Variants in INPP5D observed in about 807,000 individuals in gnomAD.
INPP5D encodes the protein inositol polyphosphate-5-phosphatase D.
In INPP5D, 33 loss-of-function variants were observed where a neutral mutation model predicts 122.9. That is an observed-to-expected ratio of 0.27 (90% confidence interval 0.20 to 0.36). The LOEUF (loss-of-function observed/expected upper bound fraction) is 0.36, where lower values mean the gene tolerates loss of function less well. Ranked by LOEUF, INPP5D falls within the 10% of genes least tolerant of loss-of-function variation. INPP5D has a pLI of 1.00. For missense variants in INPP5D, 1,053 were observed against 1,412.7 expected, an observed-to-expected ratio of 0.75 and a Z score of 4.08; for synonymous variants, 584 against 576.2, an observed-to-expected ratio of 1.01 and a Z score of -0.19.
At chr2:233,195,649 C>T (rs547782281) in intron 24 of INPP5D, among the ~76,000 whole-genome samples, 154 bp downstream of exon 24, 1 of 152,270 alleles carries the variant, frequency 6.6e-6, no homozygotes, top group African/African-American at 2.4e-5. Flanking sequence ...GAGTTTGAGA[C>T]CAGCCTGAGC....
intron 2 of INPP5D, among the ~76,000 whole-genome samples, chr2:233,111,827 G>A (rs966463693): frequency 4.6e-5 from 7 of 152,162 alleles, no homozygotes; most frequent in African/African-American, 1.7e-4. Context: ...TTGGGAGACC[G>A]AGACGGGCAA....
chr2:233,163,723 CAAG>C lies in INPP5D; in HGVS notation c.1262_1264del (p.Lys421del). 1 of 1,613,882 alleles carries C rather than the reference CAAG, an allele frequency of 6.2e-7. No homozygotes were observed. Among genetic ancestry groups the C allele is most frequent in the Non-Finnish European group, 8.5e-7 (1 of 1,179,866 alleles). On this transcript the variant is annotated inframe_deletion, in exon 12 of 27. Coordinates refer to ENST00000445964, the MANE Select transcript of INPP5D (RefSeq NM_001017915.3). ...CTGTTGAAGGTAACGCCCCCCCTCC[CAAG>C]AAGATCACGTCCTGGTTTCTCTCCA...
chr2:233,119,262 A>G (rs992826426), intron 2 of INPP5D, among the ~76,000 whole-genome samples: 1 of 152,036 alleles, frequency 6.6e-6, no homozygotes, highest in Non-Finnish European at 1.5e-5. Context: ...GTTCAACTTC[A>G]GCTTTCTTTG....
chr2:233,116,699 C>T (rs1332357105), intron 2 of INPP5D, among the ~76,000 whole-genome samples: 5 of 152,138 alleles, frequency 3.3e-5, no homozygotes, highest in African/African-American at 7.2e-5. Flanking sequence ...TGGGTTCAAG[C>T]GATTCTCCCG....
chr2:233,063,713 C>T (rs370383643), intron 1 of INPP5D, among the ~76,000 whole-genome samples: 13 of 152,272 alleles, frequency 8.5e-5, no homozygotes, highest in East Asian at 3.8e-4. Context: ...GGCTCCATCT[C>T]GGGGCACAGA....
chr2:233,189,068 G>A lies in INPP5D; in HGVS notation c.2359-782G>A, dbSNP rs186155044. Among the ~76,000 whole-genome samples, 104 of 152,316 alleles carry A rather than the reference G, an allele frequency of 6.8e-4. No individual in the cohort carries two copies. Among genetic ancestry groups the A allele is most frequent in the Non-Finnish European group, 1.1e-3 (75 of 68,034 alleles). On this transcript the variant is annotated intron_variant, in intron 21 of 26. Transcript: ENST00000445964. The surrounding 1 kb of genome is among the most constrained non-coding windows in gnomAD (Gnocchi z 5.6). ...GAAAAAGTCATAACTCGTGGCAGAC[G>A]AGGAGCTAGTGTGCGTGTGATGCTC...
rs1695526606 is a variant in INPP5D, at chr2:233,207,022, G to A, written c.*314G>A. The A allele has an allele frequency of 6.0e-6, 2 of 334,800 alleles. No individual in the cohort carries two copies. Among genetic ancestry groups the A allele is most frequent in the African/African-American group, 2.2e-5 (1 of 46,490 alleles). The allele number at this position is 334,800 out of a possible 1,614,324, so 20.7% of individuals were successfully genotyped here. On this transcript the variant is annotated 3_prime_UTR_variant, in exon 27 of 27. Coordinates refer to ENST00000445964, the MANE Select transcript of INPP5D (RefSeq NM_001017915.3). This position sits in a 1 kb window ranked among gnomAD's most constrained non-coding sequence, Gnocchi z 4.6. ...TTCTGAAGAAAGGAACTGCAGCGCC[G>A]ATTTGAGGGTGGAGATATAGATAAT...
At chr2:233,185,526 C>T (rs1021914375) in intron 20 of INPP5D, among the ~76,000 whole-genome samples, 1 of 151,718 alleles carries the variant, frequency 6.6e-6, no homozygotes, top group African/African-American at 2.4e-5. Context: ...GTCAAGTTTC[C>T]TAATCTTTTT....
intron 22 of INPP5D, among the ~76,000 whole-genome samples, chr2:233,191,154 A>C (rs1695047785): frequency 6.6e-6 from 1 of 152,236 alleles, no homozygotes; most frequent in East Asian, 1.9e-4. Flanking sequence ...GGGAGGCCTC[A>C]GGAAACTTAC....
At chr2:233,069,862 G>T (rs1247576520) in intron 1 of INPP5D, among the ~76,000 whole-genome samples, 1 of 152,132 alleles carries the variant, frequency 6.6e-6, no homozygotes, top group Non-Finnish European at 1.5e-5. Flanking sequence ...GGAATTACTA[G>T]ATCGAGGGAC....
rs943704241 is a variant in INPP5D at position 233,189,109 on chromosome 2, C to T, written c.2359-741C>T. ...TGTGATGCTCCTCCCTGCACTTGCCCGGACACAGCCCCCACTGGCCAGTGC... is the reference window on the plus strand; with the variant it reads ...TGTGATGCTCCTCCCTGCACTTGCCTGGACACAGCCCCCACTGGCCAGTGC... On this transcript the variant is annotated intron_variant, in intron 21 of 26. Transcript: ENST00000445964. This position sits in a 1 kb window ranked among gnomAD's most constrained non-coding sequence, Gnocchi z 5.6. Among the ~76,000 whole-genome samples the T allele has an allele frequency of 2.0e-5, 3 of 152,220 alleles. No individual in the cohort carries two copies. The highest frequency in any genetic ancestry group is 6.5e-5 in the Admixed American group (1 of 15,288).
At chr2:233,072,300 T>A (rs1691402105) in intron 1 of INPP5D, among the ~76,000 whole-genome samples, 1 of 152,252 alleles carries the variant, frequency 6.6e-6, no homozygotes, top group African/African-American at 2.4e-5. Flanking sequence ...ATACCCCTTA[T>A]TTCATTTACT....
At chr2:233,089,745 C>G (rs1055803527) in intron 2 of INPP5D, among the ~76,000 whole-genome samples, 1 of 152,254 alleles carries the variant, frequency 6.6e-6, no homozygotes, top group Non-Finnish European at 1.5e-5. Flanking sequence ...TAATTGGGAA[C>G]TGAACAACAG....
At chr2:233,125,324 C>A (rs903874014) in intron 3 of INPP5D, among the ~76,000 whole-genome samples, 2 of 152,226 alleles carry the variant, frequency 1.3e-5, no homozygotes, top group African/African-American at 4.8e-5. Flanking sequence ...CCCTGGTCCC[C>A]TTCCATGGTT....
intron 13 of INPP5D, among the ~76,000 whole-genome samples, chr2:233,168,092 A>C (rs1290344610): frequency 6.6e-6 from 1 of 152,134 alleles, no homozygotes; most frequent in East Asian, 1.9e-4. Context: ...TTATGATCAA[A>C]ATAGATTACA....
At position 233,130,641 on chromosome 2, in the gene INPP5D, C is replaced by G; in HGVS notation, c.658C>G (p.Leu220Val). The G allele has an allele frequency of 6.2e-7, 1 of 1,613,970 alleles. No individual in the cohort carries two copies. ...KKLTTLLCKE[L>V]YGEVIRTLPS... ...ACTGACCACACTGCTCTGCAAGGAG[C>G]TCTATGGGTAATGGCTGGCCCACGG... The change falls in exon 5 of 27, where the codon CTC (leucine) becomes GTC (valine). Residue 220 changes from leucine to valine, a missense_variant. Around this residue, in one of 6 missense-constraint regions of INPP5D, gnomAD observed 196 missense variants for 175.6 expected, o/e 1.12. Coordinates refer to ENST00000445964, the MANE Select transcript of INPP5D (RefSeq NM_001017915.3).
rs1291626850 is a variant in INPP5D, at chr2:233,195,504, G to T, written c.2693+9G>T. 5 of 1,613,322 alleles carry T rather than the reference G, an allele frequency of 3.1e-6. No individual in the cohort carries two copies. The highest frequency in any genetic ancestry group is 4.2e-6 in the Non-Finnish European group (5 of 1,179,792). ...TGGGAAGTCACTAGCAGGTAAAGTG[G>T]GCGTGGGGTGGGTGTTGGGGGGGGT... On this transcript the variant is annotated intron_variant, in intron 24 of 26. Coordinates refer to ENST00000445964, the MANE Select transcript of INPP5D (RefSeq NM_001017915.3).
chr2:233,107,181 C>G (rs538930334), intron 2 of INPP5D, among the ~76,000 whole-genome samples: 80 of 152,098 alleles, frequency 5.3e-4, no homozygotes, highest in Non-Finnish European at 1.1e-3. Context: ...GCAGAGGGTG[C>G]GGTAGGCAGG....
chr2:233,152,283 T>C lies in INPP5D; in HGVS notation c.1030+4689T>C, dbSNP rs139777579. The stretch of plus-strand genomic sequence containing the variant: ...TGGAGGGAATCTGTGGTTGCAAGAG[T>C]TGGAGCTTCCTTACCCTATTTTAAT... On this transcript the variant is annotated intron_variant, in intron 9 of 26. Transcript: ENST00000445964. Among the ~76,000 whole-genome samples the C allele has an allele frequency of 1.9e-3, 286 of 152,038 alleles. 1 individual carries two copies. Among genetic ancestry groups the C allele is most frequent in the African/African-American group, 6.5e-3 (269 of 41,452 alleles).
Sources: allele counts gnomAD v4.1 joint callset (sites outside exome capture counted in the v4.1 genomes callset), GRCh38; gene constraint gnomAD v4.1.1; regional missense constraint gnomAD v4.1.1; non-coding constraint Gnocchi (gnomAD v3.1); transcripts MANE v1.5; gene names NCBI Gene and HGNC (gene_info 2026-07-23, HGNC 2026-07-21).